NALF1: variants seen among roughly 807,000 people sequenced by gnomAD.
NALF1 encodes the protein family with sequence similarity 155 member A.
In NALF1, 3 loss-of-function variants were observed where a neutral mutation model predicts 48.4. The ratio of observed to expected loss-of-function variants is 0.06; its 90% CI spans 0.03 to 0.16. The LOEUF is 0.16. NALF1 is among the 10% of genes least tolerant of loss of function. The pLI is 1.00. For missense variants in NALF1, 526 were observed against 571.5 expected, an observed-to-expected ratio of 0.92 and a Z score of 0.81; for synonymous variants, 262 against 245.7, an observed-to-expected ratio of 1.07 and a Z score of -0.62.
chr13:107,285,446 C>G (rs577330463), intron 1 of NALF1, among the ~76,000 whole-genome samples: 12 of 152,316 alleles, frequency 7.9e-5, no homozygotes, highest in African/African-American at 2.6e-4. Context: ...TTAGACTAGA[C>G]AGTCTGGCTT....
At chr13:107,818,588 T>A (rs1395207532) in intron 1 of NALF1, among the ~76,000 whole-genome samples, 1 of 151,790 alleles carries the variant, frequency 6.6e-6, no homozygotes, top group Non-Finnish European at 1.5e-5. Context: ...AAAATCCAGT[T>A]GAGGCCGGGC....
chr13:107,240,853 C>A (rs562864219), intron 1 of NALF1, among the ~76,000 whole-genome samples: 1 of 150,870 alleles, frequency 6.6e-6, no homozygotes, highest in African/African-American at 2.4e-5. Context: ...GAGAGTGTTG[C>A]AAGTAAAGGT....
intron 1 of NALF1, among the ~76,000 whole-genome samples, chr13:107,440,663 G>A (rs1160285105): frequency 6.6e-6 from 1 of 152,148 alleles, no homozygotes; most frequent in African/African-American, 2.4e-5. Flanking sequence ...GATTCTGCAC[G>A]TGTTTTTGTG....
At chr13:107,335,888 C>T (rs930292582) in intron 1 of NALF1, among the ~76,000 whole-genome samples, 3 of 152,028 alleles carry the variant, frequency 2.0e-5, no homozygotes, top group Admixed American at 6.6e-5. Flanking sequence ...TATCTTGATC[C>T]TTTTATTAGT....
At position 107,409,898 on chromosome 13, in the gene NALF1, A is replaced by C. The variant is rs187834710; in HGVS notation, c.916-199143T>G. The stretch of plus-strand genomic sequence containing the variant: ...GTACTACTGCCTCTTTTAGTGCCCC[A>C]GCCCATAGCTGCATAGTTCAGGGCA... On this transcript the variant is annotated intron_variant, in intron 1 of 2. Coordinates refer to ENST00000375915, the MANE Select transcript of NALF1 (RefSeq NM_001080396.3). Among the ~76,000 whole-genome samples, 579 of 152,296 alleles carry C rather than the reference A, an allele frequency of 3.8e-3. 4 individuals carry two copies. The highest frequency in any genetic ancestry group is 6.5e-3 in the Non-Finnish European group (444 of 68,028).
At chr13:107,439,995 T>C (rs1223845522) in intron 1 of NALF1, among the ~76,000 whole-genome samples, 3 of 152,198 alleles carry the variant, frequency 2.0e-5, no homozygotes, top group Admixed American at 1.3e-4. Flanking sequence ...TGTTTTAATA[T>C]TTGGACTTAA....
At chr13:107,825,396 A>G (rs1879484777) in intron 1 of NALF1, among the ~76,000 whole-genome samples, 1 of 152,232 alleles carries the variant, frequency 6.6e-6, no homozygotes, top group South Asian at 2.1e-4. Context: ...GTCATGTGAC[A>G]TCAGAAAAAA....
intron 1 of NALF1, among the ~76,000 whole-genome samples, chr13:107,228,271 G>C (rs529922985): frequency 6.6e-6 from 1 of 152,164 alleles, no homozygotes; most frequent in African/African-American, 2.4e-5. Context: ...TTGCCAAATT[G>C]ACAGTCTAAT....
rs147079282 is a variant in NALF1 at position 107,274,248 on chromosome 13, G to A, written c.916-63493C>T. On this transcript the variant is annotated intron_variant, in intron 1 of 2. Coordinates refer to ENST00000375915, the MANE Select transcript of NALF1 (RefSeq NM_001080396.3). ...TACGGCACCAAATGCACCAGCGAAT[G>A]ACTGTGGTAACGCAACTGTAACAGG... Among the ~76,000 whole-genome samples the A allele has an allele frequency of 4.3e-3, 661 of 152,150 alleles. 3 individuals carry two copies. The highest frequency in any genetic ancestry group is 0.015 in the African/African-American group (633 of 41,500).
chr13:107,345,226 T>C (rs1195484210), intron 1 of NALF1, among the ~76,000 whole-genome samples: 2 of 152,144 alleles, frequency 1.3e-5, no homozygotes, highest in Non-Finnish European at 2.9e-5. Flanking sequence ...AAAATGTTTA[T>C]ACGACTCAAA....
intron 1 of NALF1, among the ~76,000 whole-genome samples, chr13:107,407,693 C>G (rs1297286247): frequency 6.6e-6 from 1 of 151,850 alleles, no homozygotes; most frequent in East Asian, 1.9e-4. Flanking sequence ...AGTTTGGAAG[C>G]TCTTTAAAAA....
intron 2 of NALF1, among the ~76,000 whole-genome samples, chr13:107,198,042 T>C (rs1423172298): frequency 6.6e-6 from 1 of 152,224 alleles, no homozygotes; most frequent in Admixed American, 6.5e-5. Flanking sequence ...AAATATACTT[T>C]CAAATGGAAG....
intron 1 of NALF1, among the ~76,000 whole-genome samples, chr13:107,660,932 T>C (rs1239864817): frequency 6.6e-6 from 1 of 151,970 alleles, no homozygotes; most frequent in African/African-American, 2.4e-5. Context: ...AAACCTAGAG[T>C]TTATCTAAAA....
chr13:107,218,683 A>T (rs1030038494), intron 1 of NALF1, among the ~76,000 whole-genome samples: 3 of 152,198 alleles, frequency 2.0e-5, no homozygotes, highest in Non-Finnish European at 4.4e-5. Context: ...CATGAAGTGA[A>T]CCTCTCCTTC....
intron 2 of NALF1, among the ~76,000 whole-genome samples, chr13:107,185,087 T>C (rs1169788542): frequency 6.6e-6 from 1 of 152,062 alleles, no homozygotes; most frequent in Non-Finnish European, 1.5e-5. Context: ...CAGCAGAGGA[T>C]TAGAGCAGCG....
intron 1 of NALF1, among the ~76,000 whole-genome samples, chr13:107,739,308 C>T (rs1263487146): frequency 6.6e-6 from 1 of 151,046 alleles, no homozygotes; most frequent in East Asian, 1.9e-4. Context: ...ACATGCATCC[C>T]ACAACTTAAA....
intron 1 of NALF1, among the ~76,000 whole-genome samples, chr13:107,475,458 C>A (rs1307891129): frequency 6.6e-6 from 1 of 152,142 alleles, no homozygotes; most frequent in African/African-American, 2.4e-5. Context: ...TCTGAGCTTA[C>A]TCAGTTTGAT....
intron 1 of NALF1, among the ~76,000 whole-genome samples, chr13:107,441,722 A>G (rs1160019248): frequency 6.6e-6 from 1 of 152,198 alleles, no homozygotes; most frequent in Non-Finnish European, 1.5e-5. Context: ...AGGGCAAAGG[A>G]ATGGGGTGAT....
intron 1 of NALF1, among the ~76,000 whole-genome samples, chr13:107,860,300 A>C (rs1880537171): frequency 6.6e-6 from 1 of 152,156 alleles, no homozygotes; most frequent in Non-Finnish European, 1.5e-5. Flanking sequence ...TGCCATTACC[A>C]CTTTTTAAAA....
Sources: allele counts gnomAD v4.1 joint callset (sites outside exome capture counted in the v4.1 genomes callset), GRCh38; gene constraint gnomAD v4.1.1; transcripts MANE v1.5; gene names NCBI Gene and HGNC (gene_info 2026-07-23, HGNC 2026-07-21).